The following NDUFAF6 variants were observed in gnomAD, a reference collection of about 807,000 sequenced individuals.
NDUFAF6 encodes the protein NADH dehydrogenase (ubiquinone) complex I, assembly factor 6.
In NDUFAF6, 45 loss-of-function variants were observed where a neutral mutation model predicts 40.8. The ratio of observed to expected loss-of-function variants is 1.10; its 90% CI spans 0.87 to 1.42. The LOEUF is 1.42. Among genes scored for constraint, NDUFAF6 ranks in the 40% most tolerant of loss-of-function variants. The pLI is 0.00. For synonymous variants in NDUFAF6, 185 were observed against 155.9 expected (o/e 1.19, Z -1.39); for missense variants, 435 against 418.5 (o/e 1.04, Z -0.34).
At chr8:94,951,220 C>T (rs1279428778) in intron 2 of NDUFAF6, 1 of 152,228 alleles carries the variant, frequency 6.6e-6, no homozygotes, top group Non-Finnish European at 1.5e-5. Flanking sequence ...GATGCCTGGC[C>T]AGCTCTAGCT....
intron 1 of NDUFAF6, among the ~76,000 whole-genome samples, chr8:94,971,702 G>A (rs141618964): frequency 2.0e-5 from 3 of 151,978 alleles, no homozygotes; most frequent in Admixed American, 6.6e-5. Context: ...TTTGGGAGGC[G>A]GAGGCGGGTG....
At chr8:94,941,016 C>CA (rs1821477058) in intron 1 of NDUFAF6, 1 of 1,102,878 alleles carries the variant, frequency 9.1e-7, no homozygotes, top group African/African-American at 1.6e-5. Context: ...TTAGTTGGCC[C>CA]AATGGTACCG....
At chr8:94,942,187 C>A (rs937344332) in intron 1 of NDUFAF6, among the ~76,000 whole-genome samples, 7 of 152,092 alleles carry the variant, frequency 4.6e-5, no homozygotes. Context: ...CAGGCGCCCA[C>A]CACCACATCC....
chr8:95,047,634 CA>C (rs1830946666), intron 6 of NDUFAF6, among the ~76,000 whole-genome samples: 1 of 151,422 alleles, frequency 6.6e-6, no homozygotes, highest in African/African-American at 2.4e-5. Flanking sequence ...CTCGGCCTCC[CA>C]AGTAGCTGGG....
intron 1 of NDUFAF6, among the ~76,000 whole-genome samples, chr8:94,965,260 G>A (rs1292536660): frequency 4.5e-5 from 1 of 22,440 alleles, no homozygotes; most frequent in Non-Finnish European, 1.6e-4. Flanking sequence ...TTAAAGGACC[G>A]GGGCAGTATA....
intron 3 of NDUFAF6, among the ~76,000 whole-genome samples, chr8:95,037,806 T>G (rs1829677947): frequency 6.6e-6 from 1 of 152,188 alleles, no homozygotes; most frequent in African/African-American, 2.4e-5. Flanking sequence ...TTATGCTTAA[T>G]GCTGACATGG....
rs188080464 is a variant in NDUFAF6 at position 94,910,908 on chromosome 8, T to A, written c.-936+14981T>A. On this transcript the variant is annotated intron_variant, in intron 1 of 14. Coordinates refer to the NDUFAF6 transcript ENST00000396113. The stretch of plus-strand genomic sequence containing the variant: ...GTATAGAATATATCATGCAATTTTT[T>A]AAAAATGAGTTGAGATTACCTATGT... Among the ~76,000 whole-genome samples the A allele has an allele frequency of 6.9e-4, 105 of 152,304 alleles. 1 individual carries two copies. The highest frequency in any genetic ancestry group is 2.1e-3 in the African/African-American group (89 of 41,574).
intron 1 of NDUFAF6, among the ~76,000 whole-genome samples, chr8:94,977,140 GAAAAAAAAAAA>G (rs999161388): frequency 1.5e-5 from 1 of 66,924 alleles, no homozygotes; most frequent in Non-Finnish European, 2.9e-5. Flanking sequence ...CCCTGACTCA[GAAAAAAAAAAA>G]AAAAAAAAAA....
At chr8:94,962,974 A>G (rs1165320817) in intron 1 of NDUFAF6, among the ~76,000 whole-genome samples, 1 of 151,792 alleles carries the variant, frequency 6.6e-6, no homozygotes, top group African/African-American at 2.4e-5. Context: ...TATTTTTAGT[A>G]GAGACGGGGT....
chr8:95,027,532 ATCTTGCCACTGCAC>A (rs1434108517), intron 1 of NDUFAF6, among the ~76,000 whole-genome samples: 1 of 149,500 alleles, frequency 6.7e-6, no homozygotes, highest in Non-Finnish European at 1.5e-5. Flanking sequence ...GTGAGCCAAG[ATCTTGCCACTGCAC>A]TCCAGCCTGG....
chr8:94,907,883 A>G (rs995255762), intron 1 of NDUFAF6, among the ~76,000 whole-genome samples: 19 of 152,170 alleles, frequency 1.2e-4, no homozygotes, highest in African/African-American at 3.4e-4. Flanking sequence ...TTTCTAGTAG[A>G]ATGTAAGCTC....
chr8:95,113,922 C>T lies in NDUFAF6; in HGVS notation n.345-1614C>T, dbSNP rs577086912. On this transcript the variant is annotated intron_variant and non_coding_transcript_variant, in intron 4 of 5. Coordinates refer to the NDUFAF6 transcript ENST00000523184. ...ATCGCAAGAACAAAAAACCAAACAC[C>T]GCATATTCTCACTCACAGGTGGGAA... is the stretch of plus-strand genomic sequence containing the variant. Among the ~76,000 whole-genome samples, 9 of 149,330 alleles carry T rather than the reference C, an allele frequency of 6.0e-5. No individual in the cohort carries two copies. In the East Asian group the frequency reaches 7.9e-4, roughly 13 times the overall value.
At chr8:94,899,532 T>C (rs1025215930) in intron 1 of NDUFAF6, among the ~76,000 whole-genome samples, 1 of 152,240 alleles carries the variant, frequency 6.6e-6, no homozygotes, top group Non-Finnish European at 1.5e-5. Flanking sequence ...AGACAGGTGC[T>C]AATGACTGTC....
intron 1 of NDUFAF6, among the ~76,000 whole-genome samples, chr8:94,901,982 A>G (rs1262270552): frequency 2.0e-5 from 3 of 152,192 alleles, no homozygotes; most frequent in Non-Finnish European, 2.9e-5. Context: ...ACATTTTGCT[A>G]TGCTTACTTC....
At chr8:95,097,035 G>A (rs1809487465), upstream of NDUFAF6, among the ~76,000 whole-genome samples, 1 of 152,164 alleles carries the variant, frequency 6.6e-6, no homozygotes, top group Non-Finnish European at 1.5e-5. Flanking sequence ...AGGCCTAACA[G>A]GGGGTTAAGG....
At chr8:95,000,661 C>T (rs959825292) in intron 2 of NDUFAF6, among the ~76,000 whole-genome samples, 2 of 149,216 alleles carry the variant, frequency 1.3e-5, no homozygotes, top group Non-Finnish European at 3.0e-5. Context: ...TCTGGCTGGG[C>T]GTCGTGGCTT....
intron 1 of NDUFAF6, among the ~76,000 whole-genome samples, chr8:94,936,353 C>T (rs555119397): frequency 6.6e-6 from 1 of 152,332 alleles, no homozygotes; most frequent in South Asian, 2.1e-4. Flanking sequence ...GGGAGCCTCT[C>T]CCCACCTTGG....
intron 1 of NDUFAF6, among the ~76,000 whole-genome samples, chr8:94,958,431 C>A (rs144910773): frequency 6.6e-6 from 1 of 150,574 alleles, no homozygotes; most frequent in Non-Finnish European, 1.5e-5. Flanking sequence ...CTCCTCTTCT[C>A]GTAAGGACAC....
At chr8:94,991,800 C>G (rs931746363) in intron 2 of NDUFAF6, among the ~76,000 whole-genome samples, 2 of 140,168 alleles carry the variant, frequency 1.4e-5, no homozygotes, top group Admixed American at 7.0e-5. Flanking sequence ...TTCTTCGCCC[C>G]CCCCCCCTTT....
Sources: gnomAD v4.1 joint callset for allele counts (sites outside exome capture counted in the v4.1 genomes callset) on GRCh38, gnomAD v4.1.1 for gene constraint, MANE v1.5 for transcripts, NCBI Gene and HGNC (gene_info 2026-07-23, HGNC 2026-07-21) for gene names.